The following TAFA5 variants were observed in gnomAD, a reference collection of about 807,000 sequenced individuals.
TAFA5 encodes TAFA chemokine like family member 5.
Under a neutral mutation model 15.3 loss-of-function variants are expected in TAFA5, and 6 were observed. The observed-to-expected ratio is 0.39, with a 90% CI of 0.21 to 0.77. The LOEUF (loss-of-function observed/expected upper bound fraction) is 0.77. Ranked by LOEUF, TAFA5 falls within the 30% of genes least tolerant of loss-of-function variation. The probability of loss-of-function intolerance (pLI) is 0.41; values close to 1 mark genes in which losing one functional copy is unlikely to be tolerated. For synonymous variants in TAFA5, 103 were observed against 80.7 expected, an observed-to-expected ratio of 1.28 and a Z score of -1.48; for missense variants, 161 against 193.1, an observed-to-expected ratio of 0.83 and a Z score of 0.98.
At position 48,737,047 on chromosome 22, in the gene TAFA5, C is replaced by T. The variant is rs371867514; in HGVS notation, c.391-12792C>T. ...CAGAGAGGCCCTGACCCGTCTCTCCCCTGGTCCCCAGGGGCTCTGCTCTGA... is the reference window on the plus strand; with the variant it reads ...CAGAGAGGCCCTGACCCGTCTCTCCTCTGGTCCCCAGGGGCTCTGCTCTGA... On this transcript the variant is annotated intron_variant, in intron 3 of 3. Transcript: ENST00000402357. 2.1e-4 allele frequency among the ~76,000 whole-genome samples: 32 copies of T among 152,300 alleles called. No individual in the cohort carries two copies. The East Asian group carries it at 3.1e-3, about 15-fold the overall frequency.
intron 1 of TAFA5, among the ~76,000 whole-genome samples, chr22:48,616,747 G>A (rs764113388): frequency 3.3e-5 from 5 of 152,218 alleles, no homozygotes; most frequent in South Asian, 2.1e-4. Context: ...TGGGTCAGCA[G>A]CGAGATGGTG....
intron 1 of TAFA5, among the ~76,000 whole-genome samples, chr22:48,624,490 C>T (rs1344273491): frequency 6.6e-6 from 1 of 152,166 alleles, no homozygotes; most frequent in African/African-American, 2.4e-5. Flanking sequence ...GCGTTTTCTC[C>T]CCATTTCGTA....
intron 1 of TAFA5, among the ~76,000 whole-genome samples, chr22:48,508,139 A>G (rs1257243243): frequency 1.3e-5 from 2 of 152,136 alleles, no homozygotes; most frequent in Non-Finnish European, 2.9e-5. Context: ...TGCGTGGGCC[A>G]CTGTTTCTCT....
chr22:48,588,502 G>A (rs1381835760), intron 1 of TAFA5, among the ~76,000 whole-genome samples: 1 of 152,188 alleles, frequency 6.6e-6, no homozygotes, highest in Non-Finnish European at 1.5e-5. Context: ...AGGCAGGGTG[G>A]GTGCTACCTT....
At chr22:48,576,402 G>A (rs1337539639) in intron 1 of TAFA5, 8 of 1,239,036 alleles carry the variant, frequency 6.5e-6, no homozygotes, top group Admixed American at 8.4e-5. Flanking sequence ...CGCGGAGGCT[G>A]CACCCGGCGG....
At chr22:48,714,463 C>T (rs1445480435) in intron 3 of TAFA5, among the ~76,000 whole-genome samples, 3 of 152,190 alleles carry the variant, frequency 2.0e-5, no homozygotes, top group Non-Finnish European at 2.9e-5. Context: ...TAAGAGACCC[C>T]TGGTCCTTCC....
intron 3 of TAFA5, among the ~76,000 whole-genome samples, chr22:48,714,776 G>T (rs1929353570): frequency 6.6e-6 from 1 of 152,210 alleles, no homozygotes; most frequent in African/African-American, 2.4e-5. Context: ...GAAAATGGCA[G>T]AAACATATTA....
chr22:48,713,255 A>G (rs1569090662), intron 3 of TAFA5, among the ~76,000 whole-genome samples: 3 of 152,212 alleles, frequency 2.0e-5, no homozygotes, highest in South Asian at 2.1e-4. Context: ...CATTTGCCCA[A>G]CGTGAGAGAT....
intron 2 of TAFA5, among the ~76,000 whole-genome samples, chr22:48,675,333 C>T (rs950728157): frequency 2.0e-4 from 31 of 152,144 alleles, no homozygotes; most frequent in African/African-American, 7.0e-4. Context: ...TGTGGCGGGG[C>T]CCCCGTCCAA....
chr22:48,575,762 G>A (rs1451536071), intron 1 of TAFA5, among the ~76,000 whole-genome samples: 9 of 144,454 alleles, frequency 6.2e-5, no homozygotes, highest in Non-Finnish European at 1.2e-4. Context: ...CCCGGGCCGC[G>A]CAAGTTCGAT....
At chr22:48,729,091 A>G (rs2147265770) in intron 3 of TAFA5, among the ~76,000 whole-genome samples, 1 of 152,098 alleles carries the variant, frequency 6.6e-6, no homozygotes, top group South Asian at 2.1e-4. Context: ...GAAGGAATAG[A>G]TAAATGTTAA....
chr22:48,584,956 A>G (rs1045668141), intron 1 of TAFA5, among the ~76,000 whole-genome samples: 23 of 144,978 alleles, frequency 1.6e-4, no homozygotes, highest in African/African-American at 3.6e-4. Flanking sequence ...TATCACACAC[A>G]CACCACACAG....
chr22:48,681,557 A>G (rs1310511497), intron 2 of TAFA5, among the ~76,000 whole-genome samples: 1 of 150,898 alleles, frequency 6.6e-6, no homozygotes, highest in African/African-American at 2.4e-5. Context: ...AGGCTGAGGC[A>G]GGAGAATTGC....
chr22:48,589,866 A>G (rs1924497583), intron 1 of TAFA5, among the ~76,000 whole-genome samples: 1 of 152,124 alleles, frequency 6.6e-6, no homozygotes, highest in African/African-American at 2.4e-5. Flanking sequence ...GCCCTCCAGA[A>G]CTGTGAGAGC....
chr22:48,641,672 G>A (rs1601636725), intron 1 of TAFA5, among the ~76,000 whole-genome samples: 3 of 137,562 alleles, frequency 2.2e-5, no homozygotes, highest in Middle Eastern at 3.6e-3. Flanking sequence ...CCGTCCCCTC[G>A]CACACGCGTG....
At chr22:48,501,940 G>A (rs1441225246) in intron 1 of TAFA5, among the ~76,000 whole-genome samples, 1 of 152,182 alleles carries the variant, frequency 6.6e-6, no homozygotes, top group Non-Finnish European at 1.5e-5. Flanking sequence ...GTCACTTCAG[G>A]GCACCCCATC....
chr22:48,702,702 T>C (rs951837733), intron 2 of TAFA5, among the ~76,000 whole-genome samples: 2 of 152,174 alleles, frequency 1.3e-5, no homozygotes, highest in African/African-American at 4.8e-5. Context: ...GCACGCCGCT[T>C]CCCTTCCCTG....
intron 3 of TAFA5, among the ~76,000 whole-genome samples, chr22:48,732,530 C>T (rs938918577): frequency 4.6e-5 from 7 of 152,196 alleles, no homozygotes; most frequent in Non-Finnish European, 7.3e-5. Flanking sequence ...TGCTGGATTA[C>T]AGGCGTGAGC....
chr22:48,648,256 C>A (rs1257812338), intron 2 of TAFA5, among the ~76,000 whole-genome samples: 1 of 152,132 alleles, frequency 6.6e-6, no homozygotes, highest in Non-Finnish European at 1.5e-5. Flanking sequence ...GCCAGGCCTC[C>A]CAGGGCTGGA....
Sources: gnomAD v4.1 joint callset for allele counts (sites outside exome capture counted in the v4.1 genomes callset) on GRCh38, gnomAD v4.1.1 for gene constraint, MANE v1.5 for transcripts, NCBI Gene and HGNC (gene_info 2026-07-23, HGNC 2026-07-21) for gene names.